RHOA: variants seen among roughly 807,000 people sequenced by gnomAD.
The protein encoded by RHOA is ras homolog family member A, also known as transforming protein RhoA.
RHOA carries 3 observed loss-of-function variants against 17.5 expected under a neutral mutation model. That is an observed-to-expected ratio of 0.17 (90% CI 0.08 to 0.44). The LOEUF is 0.44. RHOA is among the 20% of genes least tolerant of loss of function. The pLI, the probability that RHOA is intolerant of heterozygous loss-of-function variation, is 0.99. For synonymous variants in RHOA, 98 were observed against 88.4 expected, an observed-to-expected ratio of 1.11 and a Z score of -0.61; for missense variants, 56 against 242.3, an observed-to-expected ratio of 0.23 and a Z score of 5.10.
At chr3:49,360,848 G>C in intron 4 of RHOA, 1 of 241,486 alleles carries the variant, frequency 4.1e-6, no homozygotes, top group Non-Finnish European at 8.6e-6. Flanking sequence ...GGCTGAGCTG[G>C]GCGGATCACG....
intron 1 of RHOA, among the ~76,000 whole-genome samples, chr3:49,393,784 A>G (rs1018325940): frequency 6.7e-6 from 1 of 149,620 alleles, no homozygotes; most frequent in African/African-American, 2.5e-5. Flanking sequence ...ATCTCGGCTC[A>G]CTGCAACCTC....
At chr3:49,362,390 C>T (rs1343538745) in intron 4 of RHOA, 106 bp downstream of exon 4, 3 of 1,275,522 alleles carry the variant, frequency 2.4e-6, no homozygotes, top group African/African-American at 3.0e-5. Context: ...GCTTCTGAGC[C>T]TCTAAAACAA....
chr3:49,407,997 T>C (rs1293907027), intron 1 of RHOA, among the ~76,000 whole-genome samples: 2 of 152,012 alleles, frequency 1.3e-5, no homozygotes, highest in African/African-American at 4.8e-5. Flanking sequence ...CCGTCTCTAC[T>C]AAAAATACAA....
At chr3:49,400,778 G>A (rs896252494) in intron 1 of RHOA, among the ~76,000 whole-genome samples, 1 of 151,814 alleles carries the variant, frequency 6.6e-6, no homozygotes, top group Admixed American at 6.6e-5. Flanking sequence ...GGGCACGGTG[G>A]CTCACGCCTG....
chr3:49,362,023 T>G (rs1403147596), intron 4 of RHOA, among the ~76,000 whole-genome samples: 1 of 140,518 alleles, frequency 7.1e-6, no homozygotes, highest in Non-Finnish European at 1.6e-5. Flanking sequence ...CCCCATCTAT[T>G]AAAAAAAAAA....
chr3:49,387,126 A>C (rs2048409776), intron 1 of RHOA, among the ~76,000 whole-genome samples: 2 of 7,888 alleles, frequency 2.5e-4, no homozygotes, highest in Non-Finnish European at 3.9e-4. Context: ...TCAAAAAAAA[A>C]AAAAAAAAAA....
intron 2 of RHOA, among the ~76,000 whole-genome samples, chr3:49,369,034 T>G (rs1450140095): frequency 3.0e-5 from 3 of 99,112 alleles, no homozygotes; most frequent in African/African-American, 1.2e-4. Context: ...TTTTTTTTTT[T>G]TTTTTGTTGA....
chr3:49,372,651 G>A (rs2048164153), intron 2 of RHOA, among the ~76,000 whole-genome samples: 1 of 148,150 alleles, frequency 6.7e-6, no homozygotes, highest in Non-Finnish European at 1.5e-5. Context: ...GGAGAATGGC[G>A]TGAACCCAGG....
intron 1 of RHOA, among the ~76,000 whole-genome samples, chr3:49,408,937 C>T (rs1382711965): frequency 6.6e-6 from 1 of 151,864 alleles, no homozygotes; most frequent in East Asian, 2.0e-4. Context: ...GGACTACAGG[C>T]GCCCGCCACC....
In RHOA at chr3:49,359,986, AGAGGAGGGCT is replaced by A. The variant is rs1226266972; in HGVS notation, c.*213_*222del. On this transcript the variant is annotated 3_prime_UTR_variant, in exon 5 of 5. Transcript: ENST00000418115. Reference sequence around the variant, plus strand: ...CGCCTGGTGTGTCAGGTGGGAGTGCAGAGGAGGGCTGTTAGAGCAGTGTCAAAAGGACCCT... The same window carrying A: ...CGCCTGGTGTGTCAGGTGGGAGTGCAGTTAGAGCAGTGTCAAAAGGACCCT... 2 of 460,582 alleles carry A rather than the reference AGAGGAGGGCT, an allele frequency of 4.3e-6. No individual in the cohort carries two copies. The highest frequency in any genetic ancestry group is 8.0e-5 in the Admixed American group (2 of 24,986). 28.5% of individuals were successfully genotyped at this position (460,582 alleles called of 1,614,324 possible).
chr3:49,388,370 C>CT (rs2048435775), intron 1 of RHOA, among the ~76,000 whole-genome samples: 1 of 152,096 alleles, frequency 6.6e-6, no homozygotes, highest in African/African-American at 2.4e-5. Context: ...CTTTAGGGAG[C>CT]TCTGCTATAG....
rs137933110 is a variant in RHOA, at chr3:49,396,382, T to C, written c.-3+15438A>G. On this transcript the variant is annotated intron_variant, in intron 1 of 4. Coordinates refer to ENST00000418115, the MANE Select transcript of RHOA (RefSeq NM_001664.4). Reference sequence around the variant, plus strand: ...TGAGATCAGGAGTTAGAGACCAGCCTGGCCAACATGGTGAGACCCTGACTC... The same window carrying C: ...TGAGATCAGGAGTTAGAGACCAGCCCGGCCAACATGGTGAGACCCTGACTC... 8.5e-5 allele frequency among the ~76,000 whole-genome samples: 13 copies of C among 152,152 alleles called. No homozygotes were observed. In the East Asian group the frequency reaches 2.5e-3, roughly 29 times the overall value.
intron 1 of RHOA, among the ~76,000 whole-genome samples, chr3:49,405,985 T>C (rs115534265): frequency 0.024 from 3,706 of 152,316 alleles, 60 homozygotes; most frequent in Middle Eastern, 0.041. Flanking sequence ...ATACGCAGCC[T>C]GCCTTCTGTT....
chr3:49,360,513 G>T, intron 4 of RHOA, 131 bp from the exon 5 acceptor site: 1 of 920,404 alleles, frequency 1.1e-6, no homozygotes, highest in Non-Finnish European at 1.6e-6. Flanking sequence ...GGTCGCCCAG[G>T]CTGGAGGGCA....
chr3:49,403,369 T>C lies in RHOA; in HGVS notation c.-3+8451A>G, dbSNP rs577828236. 5.9e-5 allele frequency among the ~76,000 whole-genome samples: 9 copies of C among 152,184 alleles called. No individual in the cohort carries two copies. The South Asian group carries it at 1.7e-3, about 28-fold the overall frequency. ...ATAAAAATTTAAAGCCTTGAGGAAA[T>C]GCTCTTTAACTCGACTGAGTGGCAA... On this transcript the variant is annotated intron_variant, in intron 1 of 4. Transcript: ENST00000418115.
rs1386477364 is a variant in RHOA at position 49,393,725 on chromosome 3, T to TGA, written c.-3+18094_-3+18095insTC. Among the ~76,000 whole-genome samples, 215 of 107,044 alleles carry TGA rather than the reference T, an allele frequency of 2.0e-3. 2 individuals are homozygous for TGA. Among genetic ancestry groups the TGA allele is most frequent in the African/African-American group, 2.2e-3 (67 of 31,024 alleles). 70.2% of individuals were successfully genotyped at this position (107,044 alleles called of 152,430 possible). On this transcript the variant is annotated intron_variant, in intron 1 of 4. Transcript: ENST00000418115. ...GTGTGTGTGTGTGTGTGTGTGTGTG[T>TGA]GTGTGACAGAATCTCGCTCTGTCGC... is the stretch of plus-strand genomic sequence containing the variant.
chr3:49,411,146 G>GC (rs1326017618), intron 1 of RHOA, among the ~76,000 whole-genome samples: 1 of 148,502 alleles, frequency 6.7e-6, no homozygotes, highest in Non-Finnish European at 1.5e-5. Flanking sequence ...TTTGTGTGTT[G>GC]TTTTTTTTTT....
At chr3:49,369,026 T>C in intron 2 of RHOA, among the ~76,000 whole-genome samples, 1 of 117,916 alleles carries the variant, frequency 8.5e-6, no homozygotes, top group Non-Finnish European at 1.8e-5. Context: ...TTTTTTTTTT[T>C]TTTTTTTTTT....
intron 1 of RHOA, among the ~76,000 whole-genome samples, chr3:49,408,256 ATATACGTATACACG>A (rs1384724336): frequency 1.9e-5 from 1 of 52,832 alleles, no homozygotes; most frequent in Non-Finnish European, 4.4e-5. Flanking sequence ...GTACACATAT[ATATACGTATACACG>A]TATATACGTA....
Sources: gnomAD v4.1 joint callset for allele counts (sites outside exome capture counted in the v4.1 genomes callset) on GRCh38, gnomAD v4.1.1 for gene constraint, MANE v1.5 for transcripts, NCBI Gene and HGNC (gene_info 2026-07-23, HGNC 2026-07-21) for gene names.